NOL4: variants seen among roughly 807,000 people sequenced by gnomAD.
NOL4 encodes cancer/testis antigen 125.
In NOL4, 17 loss-of-function variants were observed where a neutral mutation model predicts 75.9. That is an observed-to-expected ratio of 0.22 (90% CI 0.15 to 0.34). NOL4 has a LOEUF of 0.34. NOL4 is among the 10% of genes least tolerant of loss of function. The probability of loss-of-function intolerance (pLI) is 1.00; values close to 1 mark genes in which losing one functional copy is unlikely to be tolerated. For missense variants in NOL4, 614 were observed against 793.5 expected, an observed-to-expected ratio of 0.77 and a Z score of 2.72; for synonymous variants, 292 against 289.9, an observed-to-expected ratio of 1.01 and a Z score of -0.07.
At chr18:33,877,699 G>A (rs923374349) in intron 10 of NOL4, among the ~76,000 whole-genome samples, 1 of 151,940 alleles carries the variant, frequency 6.6e-6, no homozygotes, top group African/African-American at 2.4e-5. Flanking sequence ...TCCAAACTGT[G>A]CATTTATAAA....
At chr18:33,857,986 C>T (rs1302373934) in intron 10 of NOL4, among the ~76,000 whole-genome samples, 1 of 152,066 alleles carries the variant, frequency 6.6e-6, no homozygotes, top group Non-Finnish European at 1.5e-5. Context: ...AATTATTCAT[C>T]ACTTCAAACT....
At chr18:33,864,017 C>A (rs1214402872) in intron 10 of NOL4, among the ~76,000 whole-genome samples, 2 of 152,180 alleles carry the variant, frequency 1.3e-5, no homozygotes, top group Non-Finnish European at 2.9e-5. Context: ...AATGGCTGAA[C>A]CTTTACCTTG....
intron 6 of NOL4, among the ~76,000 whole-genome samples, chr18:34,009,843 A>G (rs1425700988): frequency 6.6e-6 from 1 of 151,956 alleles, no homozygotes; most frequent in Non-Finnish European, 1.5e-5. Flanking sequence ...GTATAATCAT[A>G]TATACAATTT....
At chr18:34,215,535 C>A (rs1454901147) in intron 1 of NOL4, among the ~76,000 whole-genome samples, 1 of 152,120 alleles carries the variant, frequency 6.6e-6, no homozygotes, top group Non-Finnish European at 1.5e-5. Flanking sequence ...GAAATCAAGG[C>A]TGCCATACAA....
At chr18:34,064,280 G>A (rs2077178480) in intron 5 of NOL4, among the ~76,000 whole-genome samples, 1 of 151,882 alleles carries the variant, frequency 6.6e-6, no homozygotes, top group African/African-American at 2.4e-5. Flanking sequence ...AGCAGGTCAA[G>A]GAATAAAGAA....
intron 1 of NOL4, among the ~76,000 whole-genome samples, chr18:34,219,373 T>G (rs1048629637): frequency 6.6e-6 from 1 of 152,244 alleles, no homozygotes; most frequent in Admixed American, 6.5e-5. Flanking sequence ...ATTCCTAATG[T>G]TTTATACAAT....
intron 6 of NOL4, among the ~76,000 whole-genome samples, chr18:33,984,256 T>C (rs1303624721): frequency 6.6e-6 from 1 of 152,104 alleles, no homozygotes; most frequent in Non-Finnish European, 1.5e-5. Context: ...TTGATCTAAT[T>C]TTCACTCATA....
At chr18:34,124,587 G>C (rs1238052291) in intron 2 of NOL4, among the ~76,000 whole-genome samples, 1 of 152,032 alleles carries the variant, frequency 6.6e-6, no homozygotes, top group South Asian at 2.1e-4. Context: ...AACGCTATTA[G>C]GTGTGATGCC....
intron 6 of NOL4, among the ~76,000 whole-genome samples, chr18:33,986,542 T>A (rs145561133): frequency 7.6e-4 from 116 of 152,202 alleles, no homozygotes; most frequent in African/African-American, 2.4e-3. Flanking sequence ...TTAAAACTCA[T>A]GAATTGTTTA....
At position 33,852,435 on chromosome 18, in the gene NOL4, C is replaced by CTT. The variant is rs78098811; in HGVS notation, c.*405_*406dup. 0.16 allele frequency: 20,392 copies of CTT among 125,296 alleles called. 1,711 individuals are homozygous for CTT. The highest frequency in any genetic ancestry group is 0.22 in the Non-Finnish European group (12,911 of 59,340). The allele number at this position is 125,296 out of a possible 1,614,324, so 7.8% of individuals were successfully genotyped here. ...AACAAGAAATTTGGCTTTTTTTTTT[C>CTT]TTTTTTTTTTTTTTGCCAGGTACTT... On this transcript the variant is annotated 3_prime_UTR_variant, in exon 11 of 11. Transcript: ENST00000261592.
intron 1 of NOL4, chr18:34,221,990 C>T (rs2037343529): frequency 6.6e-7 from 1 of 1,515,392 alleles, no homozygotes; most frequent in Non-Finnish European, 8.8e-7. Context: ...CAGATAGCCT[C>T]CCCCATCCCT....
chr18:33,980,731 T>C (rs770803256), intron 6 of NOL4, among the ~76,000 whole-genome samples: 11 of 152,010 alleles, frequency 7.2e-5, no homozygotes, highest in Non-Finnish European at 1.5e-4. Flanking sequence ...CTTACAAATA[T>C]ATTACTAAAG....
At chr18:34,080,567 T>C (rs1216746032) in intron 5 of NOL4, among the ~76,000 whole-genome samples, 1 of 152,196 alleles carries the variant, frequency 6.6e-6, no homozygotes, top group Non-Finnish European at 1.5e-5. Context: ...ATCACAGAAC[T>C]GGGATCTAAA....
chr18:34,193,039 C>A (rs2035036737), intron 1 of NOL4, among the ~76,000 whole-genome samples: 1 of 152,128 alleles, frequency 6.6e-6, no homozygotes, highest in South Asian at 2.1e-4. Flanking sequence ...TCTTTATAAA[C>A]TACCCAGTCT....
chr18:34,121,062 G>T (rs934361366), intron 2 of NOL4, among the ~76,000 whole-genome samples: 8 of 152,092 alleles, frequency 5.3e-5, no homozygotes, highest in African/African-American at 1.9e-4. Context: ...TCTTATATTA[G>T]ATGAAAAAAT....
chr18:34,182,899 G>T (rs978408783), intron 1 of NOL4, among the ~76,000 whole-genome samples: 2 of 151,512 alleles, frequency 1.3e-5, no homozygotes, highest in Non-Finnish European at 3.0e-5. Flanking sequence ...TTCACACTTT[G>T]TTAACTCAAA....
In NOL4 at chr18:34,130,389, A is replaced by G. The variant is rs1378397574; in HGVS notation, c.265-369T>C. On this transcript the variant is annotated intron_variant, in intron 1 of 10. Transcript: ENST00000261592. ...AATAATTAAATTCTAGATATTTATT[A>G]ATTCATCCAAACAATATTGAGTTGC... Among the ~76,000 whole-genome samples, 7 of 152,010 alleles carry G rather than the reference A, an allele frequency of 4.6e-5. No homozygotes were observed. In the East Asian group the frequency reaches 1.3e-3, roughly 29 times the overall value.
Position 34,019,528 on chromosome 18 carries a change from G to T in NOL4, c.846C>A (p.His282Gln). ...GHSSIASGGT[H>Q]SREMGDSNSD... ...TGTTGGAGTCTCCCATCTCCCTGCT[G>T]TGTGTTCCCCCTGAAGCAATTGAAC... The change falls in exon 6 of 11, where the codon CAC becomes CAA. Residue 282 changes from histidine (H) to glutamine (Q), a missense_variant. Coordinates refer to ENST00000261592, the MANE Select transcript of NOL4 (RefSeq NM_003787.5). 6.2e-7 allele frequency: 1 copy of T among 1,614,034 alleles called. No individual in the cohort carries two copies. Among genetic ancestry groups the T allele is most frequent in the South Asian group, 1.1e-5 (1 of 91,074 alleles).
rs2037482116 is a variant in NOL4 at position 34,224,019 on chromosome 18, C to G, written c.-766G>C. ...AGATGCATTTTGAATAAATTCCAGC[C>G]CTGTATGTAGATTCTACGAGTTAAG... On this transcript the variant is annotated 5_prime_UTR_variant, in exon 1 of 11. Transcript: ENST00000261592. 1 of 152,132 alleles carries G rather than the reference C, an allele frequency of 6.6e-6. No individual in the cohort carries two copies. Among genetic ancestry groups the G allele is most frequent in the African/African-American group, 2.4e-5 (1 of 41,424 alleles). The allele number at this position is 152,132 out of a possible 1,614,324, so 9.4% of individuals were successfully genotyped here.
Sources: gnomAD v4.1 joint callset for allele counts (sites outside exome capture counted in the v4.1 genomes callset) on GRCh38, gnomAD v4.1.1 for gene constraint, MANE v1.5 for transcripts, NCBI Gene and HGNC (gene_info 2026-07-23, HGNC 2026-07-21) for gene names.